The following PCDH9 variants were observed in gnomAD, a reference collection of about 807,000 sequenced individuals.
PCDH9 encodes protocadherin 9.
A neutral mutation model predicts 70.6 loss-of-function variants in PCDH9; 24 were observed. The ratio of observed to expected loss-of-function variants is 0.34; its 90% CI spans 0.25 to 0.48. The LOEUF (loss-of-function observed/expected upper bound fraction) is 0.48, where lower values mean the gene tolerates loss of function less well. Ranked by LOEUF, PCDH9 falls within the 20% of genes least tolerant of loss-of-function variation. PCDH9 has a pLI of 0.99. For synonymous variants in PCDH9, 562 were observed against 558.5 expected (o/e 1.01, Z -0.09); for missense variants, 1,281 against 1,503.6 (o/e 0.85, Z 2.45).
intron 3 of PCDH9, among the ~76,000 whole-genome samples, chr13:66,809,302 G>A (rs866471881): frequency 1.3e-5 from 2 of 152,008 alleles, no homozygotes; most frequent in Non-Finnish European, 2.9e-5. Flanking sequence ...AAAAATTACC[G>A]TGTATACAAT....
rs74095303 is a variant in PCDH9, at chr13:67,090,713, G to A, written c.3036+134692C>T. On this transcript the variant is annotated intron_variant, in intron 2 of 4. Transcript: ENST00000377865. ...AATCATTAAGCATATCAGAAAATAC[G>A]AAAAAAAGAAGATATGAGATTCTGA... is the stretch of plus-strand genomic sequence containing the variant. Among the ~76,000 whole-genome samples the A allele has an allele frequency of 1.8e-3, 269 of 151,816 alleles. 2 individuals are homozygous for A. The highest frequency in any genetic ancestry group is 6.3e-3 in the African/African-American group (261 of 41,486).
chr13:66,757,363 T>C (rs2139240059), intron 3 of PCDH9, among the ~76,000 whole-genome samples: 1 of 152,354 alleles, frequency 6.6e-6, no homozygotes, highest in Admixed American at 6.5e-5. Context: ...TATTGTATTC[T>C]TTAGGTGACT....
intron 3 of PCDH9, among the ~76,000 whole-genome samples, chr13:66,800,774 T>A (rs2139339230): frequency 6.6e-6 from 1 of 152,196 alleles, no homozygotes; most frequent in Admixed American, 6.6e-5. Context: ...TAAGTCAAAT[T>A]GTTTTTTTTA....
At chr13:66,709,799 T>C (rs767497950) in intron 3 of PCDH9, among the ~76,000 whole-genome samples, 2 of 152,138 alleles carry the variant, frequency 1.3e-5, no homozygotes, top group Non-Finnish European at 2.9e-5. Context: ...GCAGGTTTAA[T>C]GGAATAGTAG....
intron 2 of PCDH9, among the ~76,000 whole-genome samples, chr13:67,133,730 C>T (rs994377532): frequency 1.3e-5 from 2 of 151,954 alleles, no homozygotes; most frequent in African/African-American, 4.8e-5. Context: ...TTGTGTTGCT[C>T]ATCTAGAAAT....
At chr13:66,630,401 T>TTTTA (rs934564213) in intron 4 of PCDH9, among the ~76,000 whole-genome samples, 1 of 152,182 alleles carries the variant, frequency 6.6e-6, no homozygotes, top group African/African-American at 2.4e-5. Flanking sequence ...TGAAATGGTC[T>TTTTA]TTTATTTATT....
intron 3 of PCDH9, among the ~76,000 whole-genome samples, chr13:66,895,529 G>A (rs2082163240): frequency 6.6e-6 from 1 of 152,142 alleles, no homozygotes; most frequent in Non-Finnish European, 1.5e-5. Flanking sequence ...TCAAATACAA[G>A]GCTTTCTGGC....
At chr13:66,969,388 T>C (rs1379960038) in intron 2 of PCDH9, among the ~76,000 whole-genome samples, 1 of 151,994 alleles carries the variant, frequency 6.6e-6, no homozygotes, top group African/African-American at 2.4e-5. Flanking sequence ...CAGCAGCTTA[T>C]TGCCCATTGT....
At chr13:66,746,017 C>T (rs1173311965) in intron 3 of PCDH9, among the ~76,000 whole-genome samples, 1 of 152,168 alleles carries the variant, frequency 6.6e-6, no homozygotes, top group Non-Finnish European at 1.5e-5. Flanking sequence ...AGAAATACTA[C>T]TACCAACATT....
rs771351626 is a variant in PCDH9, at chr13:66,646,672, G to A, written c.3139-15261C>T. Among the ~76,000 whole-genome samples, 32 of 152,242 alleles carry A rather than the reference G, an allele frequency of 2.1e-4. No individual in the cohort carries two copies. In the Middle Eastern group the frequency reaches 0.01, roughly 49 times the overall value. On this transcript the variant is annotated intron_variant, in intron 3 of 4. Coordinates refer to ENST00000377865, the MANE Select transcript of PCDH9 (RefSeq NM_203487.3). ...GGCTGAATAGAAGCCTTCACCAATC[G>A]TCTTCTACACAGAACATCAAATTGA...
chr13:66,337,929 CA>C (rs1956063673), intron 4 of PCDH9, among the ~76,000 whole-genome samples: 1 of 152,026 alleles, frequency 6.6e-6, no homozygotes, highest in African/African-American at 2.4e-5. Context: ...TGTTGAATAA[CA>C]TACACTACAA....
chr13:66,519,223 T>A (rs976567094), intron 4 of PCDH9, among the ~76,000 whole-genome samples: 1 of 152,124 alleles, frequency 6.6e-6, no homozygotes, highest in Non-Finnish European at 1.5e-5. Flanking sequence ...TCTGTAAGAA[T>A]TAAATAAATT....
intron 4 of PCDH9, among the ~76,000 whole-genome samples, chr13:66,354,736 CTT>C: frequency 6.6e-6 from 1 of 152,078 alleles, no homozygotes; most frequent in East Asian, 1.9e-4. Flanking sequence ...GCCCCTCCCT[CTT>C]TTCACCAACG....
At chr13:67,202,777 C>G (rs535153587) in intron 2 of PCDH9, 1 of 152,036 alleles carries the variant, frequency 6.6e-6, no homozygotes, top group African/African-American at 2.4e-5. Context: ...TATTCACATT[C>G]AATTTATGAG....
intron 2 of PCDH9, among the ~76,000 whole-genome samples, chr13:66,963,717 T>C (rs906922246): frequency 6.6e-6 from 1 of 152,182 alleles, no homozygotes; most frequent in Non-Finnish European, 1.5e-5. Context: ...ACCCTCTTCA[T>C]GTGAACACTC....
chr13:66,402,422 A>T (rs1242490909), intron 4 of PCDH9, among the ~76,000 whole-genome samples: 3 of 152,042 alleles, frequency 2.0e-5, no homozygotes, highest in Non-Finnish European at 4.4e-5. Context: ...CATCCCTAAT[A>T]TCTATCTTAT....
At chr13:66,327,795 G>A (rs1159795549) in intron 4 of PCDH9, among the ~76,000 whole-genome samples, 1 of 152,158 alleles carries the variant, frequency 6.6e-6, no homozygotes, top group Non-Finnish European at 1.5e-5. Context: ...GGTGAAAATT[G>A]TATATAATCA....
chr13:66,687,703 C>G (rs1296251403), intron 3 of PCDH9, among the ~76,000 whole-genome samples: 1 of 152,180 alleles, frequency 6.6e-6, no homozygotes, highest in Middle Eastern at 3.4e-3. Context: ...ATTTTTACCC[C>G]TTACTCCCTA....
At chr13:66,869,148 T>A (rs1566253546) in intron 3 of PCDH9, among the ~76,000 whole-genome samples, 2 of 152,180 alleles carry the variant, frequency 1.3e-5, no homozygotes, top group Non-Finnish European at 2.9e-5. Context: ...TATAGTAAGA[T>A]GTCCTTCATC....
Sources: gnomAD v4.1 joint callset for allele counts (sites outside exome capture counted in the v4.1 genomes callset) on GRCh38, gnomAD v4.1.1 for gene constraint, MANE v1.5 for transcripts, NCBI Gene and HGNC (gene_info 2026-07-23, HGNC 2026-07-21) for gene names.